TRPC4: variants seen among roughly 807,000 people sequenced by gnomAD.
TRPC4 encodes the protein short transient receptor potential channel 4.
TRPC4 carries 49 observed loss-of-function variants against 99.4 expected under a neutral mutation model. The ratio of observed to expected loss-of-function variants is 0.49; its 90% confidence interval spans 0.39 to 0.63. The LOEUF is 0.63. TRPC4 is among the 20% of genes least tolerant of loss of function. TRPC4 has a pLI of 0.00. For missense variants in TRPC4, 898 were observed against 1,152.9 expected (o/e 0.78, Z 3.20); for synonymous variants, 454 against 425.9 (o/e 1.07, Z -0.81).
intron 3 of TRPC4, among the ~76,000 whole-genome samples, chr13:37,695,427 C>T (rs956403555): frequency 3.9e-5 from 6 of 152,134 alleles, no homozygotes; most frequent in Non-Finnish European, 8.8e-5. Context: ...AGCCTACAGC[C>T]CCCCTCCTAC....
chr13:37,704,666 TAAAAC>T (rs1463223386), intron 3 of TRPC4, among the ~76,000 whole-genome samples: 1 of 152,018 alleles, frequency 6.6e-6, no homozygotes, highest in East Asian at 1.9e-4. Context: ...AATAAATAAA[TAAAAC>T]AAGTCTGTTC....
intron 1 of TRPC4, among the ~76,000 whole-genome samples, chr13:37,808,530 A>C (rs1957589068): frequency 6.6e-6 from 1 of 152,108 alleles, no homozygotes; most frequent in South Asian, 2.1e-4. Flanking sequence ...GAGTGCAGAC[A>C]AGAGACATCC....
At chr13:37,799,013 C>A (rs1054981698) in intron 1 of TRPC4, among the ~76,000 whole-genome samples, 1 of 151,630 alleles carries the variant, frequency 6.6e-6, no homozygotes, top group African/African-American at 2.4e-5. Flanking sequence ...CTCACTGCAA[C>A]CTCTGCCTCC....
At chr13:37,834,933 C>T (rs145157919) in intron 1 of TRPC4, among the ~76,000 whole-genome samples, 3,895 of 152,188 alleles carry the variant, frequency 0.026, 97 homozygotes, top group African/African-American at 0.072. Context: ...TGGGTTTTCA[C>T]CAAGTTGGCC....
chr13:37,835,437 C>T (rs1417003968), intron 1 of TRPC4, among the ~76,000 whole-genome samples: 1 of 152,208 alleles, frequency 6.6e-6, no homozygotes, highest in Non-Finnish European at 1.5e-5. Flanking sequence ...TTGCTACTTG[C>T]ATCTTTCTTG....
intron 3 of TRPC4, among the ~76,000 whole-genome samples, chr13:37,709,940 T>C (rs938820802): frequency 1.3e-5 from 2 of 152,000 alleles, no homozygotes; most frequent in African/African-American, 4.8e-5. Context: ...TGTGTTATTT[T>C]ATGGCTTTAA....
intron 3 of TRPC4, among the ~76,000 whole-genome samples, chr13:37,716,810 AC>A (rs1001954079): frequency 1.1e-4 from 17 of 152,320 alleles, no homozygotes; most frequent in African/African-American, 3.1e-4. Context: ...CTGGAAAAAA[AC>A]ATTTTTATTT....
In TRPC4 at chr13:37,783,067, G is replaced by A; in HGVS notation, c.267C>T (p.Leu89=). The change falls in exon 2 of 11, where the codon CTC becomes CTT. Residue 89 remains leucine (L), a synonymous_variant. Transcript: ENST00000379705. ...ENENLELIEL[L]LSFNVYVGDA... ...CTCCAACATAGACATTAAAGCTTAAGAGTAGTTCGATGAGCTCCAAGTTCT... is the reference window on the plus strand; with the variant it reads ...CTCCAACATAGACATTAAAGCTTAAAAGTAGTTCGATGAGCTCCAAGTTCT... 1 of 1,613,318 alleles carries A rather than the reference G, an allele frequency of 6.2e-7. No homozygotes were observed. Among genetic ancestry groups the A allele is most frequent in the Non-Finnish European group, 8.5e-7 (1 of 1,179,734 alleles).
intron 3 of TRPC4, among the ~76,000 whole-genome samples, chr13:37,718,851 G>T (rs964657733): frequency 1.3e-5 from 2 of 152,070 alleles, no homozygotes; most frequent in African/African-American, 4.8e-5. Context: ...GTCAGGAAAA[G>T]AATATTTGAG....
intron 3 of TRPC4, 33 bp downstream of exon 3, chr13:37,745,904 G>T: frequency 3.2e-6 from 5 of 1,582,406 alleles, no homozygotes; most frequent in Non-Finnish European, 4.3e-6. Context: ...AAACTCTATG[G>T]CATTTTGATG....
intron 1 of TRPC4, among the ~76,000 whole-genome samples, chr13:37,829,765 G>T (rs1360524188): frequency 6.6e-6 from 1 of 152,050 alleles, no homozygotes; most frequent in Non-Finnish European, 1.5e-5. Context: ...CAGATGAATG[G>T]TAAAATCAAA....
At chr13:37,648,398 A>C (rs751407247) in intron 8 of TRPC4, among the ~76,000 whole-genome samples, 17 of 152,226 alleles carry the variant, frequency 1.1e-4, no homozygotes, top group Non-Finnish European at 2.2e-4. Context: ...GAGTAAATTT[A>C]GACAGCATTG....
chr13:37,697,484 G>A (rs938436045), intron 3 of TRPC4, among the ~76,000 whole-genome samples: 1 of 152,210 alleles, frequency 6.6e-6, no homozygotes, highest in East Asian at 1.9e-4. Context: ...AGAATTTCAT[G>A]TTAAAAACAC....
intron 1 of TRPC4, among the ~76,000 whole-genome samples, chr13:37,844,000 C>T (rs950021899): frequency 3.3e-5 from 5 of 152,204 alleles, no homozygotes; most frequent in African/African-American, 1.2e-4. Context: ...CCTGAACCCA[C>T]AGTTTCTACA....
chr13:37,655,339 G>T, intron 6 of TRPC4, 56 bp from the exon 7 acceptor site: 9 of 970,776 alleles, frequency 9.3e-6, no homozygotes, highest in Admixed American at 4.2e-5. Context: ...ATTATACATG[G>T]GATAAAACAA....
intron 3 of TRPC4, among the ~76,000 whole-genome samples, chr13:37,719,413 T>C (rs1039269863): frequency 2.6e-5 from 4 of 151,984 alleles, no homozygotes; most frequent in African/African-American, 9.7e-5. Context: ...AAAATATTTG[T>C]TGCCAACAGA....
At chr13:37,662,288 C>T (rs996580910) in intron 6 of TRPC4, among the ~76,000 whole-genome samples, 11 of 150,442 alleles carry the variant, frequency 7.3e-5, no homozygotes, top group African/African-American at 1.7e-4. Flanking sequence ...CCAGCCTGGG[C>T]GACTGAGCAA....
At chr13:37,824,514 G>T (rs1446401426) in intron 1 of TRPC4, among the ~76,000 whole-genome samples, 1 of 152,036 alleles carries the variant, frequency 6.6e-6, no homozygotes, top group Non-Finnish European at 1.5e-5. Context: ...GGCCTTTTCT[G>T]AATCTATTGA....
intron 1 of TRPC4, among the ~76,000 whole-genome samples, chr13:37,840,686 C>G (rs1958707571): frequency 6.6e-6 from 1 of 151,860 alleles, no homozygotes. Context: ...ATGTTCTAGT[C>G]TCATTTTAAC....
Sources: gnomAD v4.1 joint callset for allele counts (sites outside exome capture counted in the v4.1 genomes callset) on GRCh38, gnomAD v4.1.1 for gene constraint, MANE v1.5 for transcripts, NCBI Gene and HGNC (gene_info 2026-07-23, HGNC 2026-07-21) for gene names.